The following INSR variants were observed in gnomAD, a reference collection of about 807,000 sequenced individuals.
The protein encoded by INSR is IR.
Under a neutral mutation model 142.6 loss-of-function variants are expected in INSR, and 67 were observed. The observed-to-expected ratio is 0.47, with a 90% CI of 0.39 to 0.58. INSR has a LOEUF of 0.58. INSR is among the 20% of genes least tolerant of loss of function. The pLI is 0.00. For missense variants in INSR, 1,248 were observed against 1,833.2 expected (o/e 0.68, Z 5.83); for synonymous variants, 756 against 743.1 (o/e 1.02, Z -0.28).
intron 2 of INSR, among the ~76,000 whole-genome samples, chr19:7,228,371 A>G (rs1975853411): frequency 6.6e-6 from 1 of 152,216 alleles, no homozygotes; most frequent in African/African-American, 2.4e-5. Context: ...TGCATCTATG[A>G]GACAATCAAG....
Position 7,141,676 on chromosome 19 carries a change from C to T in INSR, c.2682+1G>A. 6.2e-7 allele frequency: 1 copy of T among 1,614,176 alleles called. No homozygotes were observed. The highest frequency in any genetic ancestry group is 8.5e-7 in the Non-Finnish European group (1 of 1,180,024). ...GCATGCCCAAGAGTCAAGGGCCTTA[C>T]CTCATCACCATATCGCCGATAACTC... On this transcript the variant is annotated splice_donor_variant, in intron 13 of 21. Coordinates refer to ENST00000302850, the MANE Select transcript of INSR (RefSeq NM_000208.4). LOFTEE classifies it high-confidence loss of function.
In INSR at chr19:7,168,048, G is replaced by A. The variant is rs762718161; in HGVS notation, c.1530C>T (p.Asp510=). The change falls in exon 7 of 22, where the codon GAC becomes GAT. Residue 510 remains aspartate, a synonymous_variant. Transcript: ENST00000302850. This position sits in a 1 kb window ranked among gnomAD's most constrained non-coding sequence, Gnocchi z 4.3. ...ACGGCTCCCATCTCAGCAAGATCTT[G>A]TCAAAAGATGTCCGAATGTAAGAAA... The part of the protein sequence containing the change: ...LKFSYIRTSF[D]KILLRWEPYW... The A allele has an allele frequency of 8.1e-6, 13 of 1,614,010 alleles. No individual in the cohort carries two copies. The South Asian group carries it at 1.3e-4, about 16-fold the overall frequency.
chr19:7,200,474 G>A (rs1318541380), intron 2 of INSR, among the ~76,000 whole-genome samples: 1 of 152,080 alleles, frequency 6.6e-6, no homozygotes, highest in African/African-American at 2.4e-5. Context: ...AGGATTGCTG[G>A]AGCCTAGGAG....
At chr19:7,212,605 G>A (rs1032319325) in intron 2 of INSR, among the ~76,000 whole-genome samples, 3 of 152,050 alleles carry the variant, frequency 2.0e-5, no homozygotes, top group African/African-American at 7.2e-5. Context: ...GTTTTTTTGA[G>A]ATGGAGTTTC....
rs561917859 is a variant in INSR, at chr19:7,114,734, C to T, written c.*2322G>A. ...TTTTTCTTTGATAAAAATTTACATG[C>T]GCTCCATTTTTTATGAGAGTGATTT... On this transcript the variant is annotated 3_prime_UTR_variant, in exon 22 of 22. Coordinates refer to ENST00000302850, the MANE Select transcript of INSR (RefSeq NM_000208.4). 5.9e-5 allele frequency: 9 copies of T among 152,564 alleles called. No homozygotes were observed. The highest frequency in any genetic ancestry group is 1.3e-4 in the Admixed American group (2 of 15,292). The allele number at this position is 152,564 out of a possible 1,614,324, so 9.5% of individuals were successfully genotyped here.
chr19:7,148,689 G>A (rs1362924256), intron 11 of INSR, among the ~76,000 whole-genome samples: 1 of 149,528 alleles, frequency 6.7e-6, no homozygotes, highest in Non-Finnish European at 1.5e-5. Flanking sequence ...TCTTGGTCAG[G>A]CTGGTCTCGA....
chr19:7,151,788 C>T lies in INSR; in HGVS notation c.2231+938G>A, dbSNP rs563211727. On this transcript the variant is annotated intron_variant, in intron 10 of 21. Transcript: ENST00000302850. Reference sequence around the variant, plus strand: ...TGAATAGCATTGGTAAACATCTGAACAGATACTTTTAATTTTTTTTTAGAG... The same window carrying T: ...TGAATAGCATTGGTAAACATCTGAATAGATACTTTTAATTTTTTTTTAGAG... 7.0e-4 allele frequency among the ~76,000 whole-genome samples: 106 copies of T among 151,600 alleles called. 1 individual carries two copies. The highest frequency in any genetic ancestry group is 2.3e-3 in the Admixed American group (35 of 15,218).
chr19:7,178,243 TG>T (rs754976117), intron 3 of INSR, among the ~76,000 whole-genome samples: 13,948 of 46,968 alleles, frequency 0.3, 1,345 homozygotes, highest in Middle Eastern at 0.44. Context: ...GGGTGACTTG[TG>T]GGGGGGGGGG....
intron 11 of INSR, among the ~76,000 whole-genome samples, chr19:7,146,361 C>A (rs1973188581): frequency 6.6e-6 from 1 of 151,632 alleles, no homozygotes; most frequent in Non-Finnish European, 1.5e-5. Flanking sequence ...CCTGGCTCAG[C>A]CTCCCAAGTA....
chr19:7,214,589 G>T (rs1279577395), intron 2 of INSR, among the ~76,000 whole-genome samples: 1 of 152,188 alleles, frequency 6.6e-6, no homozygotes, highest in Non-Finnish European at 1.5e-5. Flanking sequence ...GCGTTTGGAG[G>T]TTTTAAACCT....
Position 7,293,921 on chromosome 19 carries a change from C to T in INSR, c.-30G>A. The T allele has an allele frequency of 8.4e-7, 1 of 1,184,328 alleles. No individual in the cohort carries two copies. The highest frequency in any genetic ancestry group is 1.0e-6 in the Non-Finnish European group (1 of 961,166). The allele number at this position is 1,184,328 out of a possible 1,614,324, so 73.4% of individuals were successfully genotyped here. A position where few individuals can be genotyped will look rare whatever the true frequency, so the allele number is the denominator to read the frequency against. On this transcript the variant is annotated 5_prime_UTR_variant, in exon 1 of 22. It removes the in-frame stop codon of an upstream open reading frame in the 5' UTR. Coordinates refer to ENST00000302850, the MANE Select transcript of INSR (RefSeq NM_000208.4). Reference sequence around the variant, plus strand: ...GCGGGAGCGCGGGGTCTCCTCGGATCAGAGCGCGCGGCGCTGGCCCGCGGG... The same window carrying T: ...GCGGGAGCGCGGGGTCTCCTCGGATTAGAGCGCGCGGCGCTGGCCCGCGGG...
chr19:7,128,306 G>T (rs1369343310), intron 15 of INSR, among the ~76,000 whole-genome samples: 4 of 151,598 alleles, frequency 2.6e-5, no homozygotes. Context: ...TCCGCCACCA[G>T]GGTTCAGTAA....
intron 13 of INSR, among the ~76,000 whole-genome samples, chr19:7,137,442 C>T (rs1056810408): frequency 6.6e-6 from 1 of 151,972 alleles, no homozygotes; most frequent in Non-Finnish European, 1.5e-5. Flanking sequence ...CCACTACAAC[C>T]ACCGGTGGAC....
chr19:7,141,991 G>A (rs1973080671), intron 12 of INSR, among the ~76,000 whole-genome samples, 175 bp from the exon 13 acceptor site: 2 of 152,002 alleles, frequency 1.3e-5, no homozygotes, highest in Non-Finnish European at 2.9e-5. Context: ...AGATTAAATG[G>A]GTTACTTTCT....
At chr19:7,160,718 C>T (rs1054627651) in intron 9 of INSR, among the ~76,000 whole-genome samples, 1 of 151,768 alleles carries the variant, frequency 6.6e-6, no homozygotes, top group Non-Finnish European at 1.5e-5. Context: ...TAATTTTAGG[C>T]TGGGCGCGGT....
chr19:7,153,406 ACACTTCACACACAC>A (rs1973493799), intron 9 of INSR, among the ~76,000 whole-genome samples: 1 of 13,994 alleles, frequency 7.1e-5, no homozygotes, highest in African/African-American at 2.5e-4. Context: ...CACCACATAC[ACACTTCACACACAC>A]CACACACCAC....
intron 8 of INSR, among the ~76,000 whole-genome samples, chr19:7,164,826 C>CA (rs35639305): frequency 0.017 from 770 of 45,524 alleles, 4 homozygotes; most frequent in Middle Eastern, 0.024. Context: ...AACTCCATCT[C>CA]AAAAAAAAAA....
At chr19:7,153,232 AC>A (rs1973466105) in intron 9 of INSR, among the ~76,000 whole-genome samples, 1 of 107,388 alleles carries the variant, frequency 9.3e-6, no homozygotes, top group Non-Finnish European at 1.9e-5. Flanking sequence ...CGCACCACAC[AC>A]ACACCATACA....
At chr19:7,237,418 G>A (rs1333637749) in intron 2 of INSR, among the ~76,000 whole-genome samples, 19 of 152,226 alleles carry the variant, frequency 1.2e-4, no homozygotes, top group East Asian at 5.8e-4. Context: ...TCAGGAGGCT[G>A]AGGCAGAAGA....
Sources: gnomAD v4.1 joint callset for allele counts (sites outside exome capture counted in the v4.1 genomes callset) on GRCh38, gnomAD v4.1.1 for gene constraint, Gnocchi (gnomAD v3.1) non-coding constraint, MANE v1.5 for transcripts, NCBI Gene and HGNC (gene_info 2026-07-23, HGNC 2026-07-21) for gene names.